The following MADD variants were observed in gnomAD, a reference collection of about 807,000 sequenced individuals.
The protein encoded by MADD is MAP kinase-activating death domain protein.
A neutral mutation model predicts 176.7 loss-of-function variants in MADD; 109 were observed. The ratio of observed to expected loss-of-function variants is 0.62; its 90% CI spans 0.53 to 0.72. The LOEUF (loss-of-function observed/expected upper bound fraction) is 0.72, where lower values mean the gene tolerates loss of function less well. Ranked by LOEUF, MADD falls within the 30% of genes least tolerant of loss-of-function variation. The probability of loss-of-function intolerance (pLI) is 0.00; values close to 1 mark genes in which losing one functional copy is unlikely to be tolerated. For missense variants in MADD, 1,914 were observed against 2,045.5 expected (o/e 0.94, Z 1.24); for synonymous variants, 771 against 771.3 (o/e 1.00, Z 0.01).
exon 18 of MADD, chr11:47,290,220 C>G (rs756409127): frequency 6.2e-7 from 1 of 1,614,138 alleles, no homozygotes; most frequent in Admixed American, 1.7e-5. Context: ...TGGAGCAGTC[C>G]TATGCCCACG....
At chr11:47,328,994 T>C (rs1194118636) in intron 32 of MADD, 52 bp from the exon 37 acceptor site, 31 of 1,407,180 alleles carry the variant, frequency 2.2e-5, no homozygotes, top group Non-Finnish European at 2.7e-5. Flanking sequence ...CCTTCACATA[T>C]GGAGATGGAG....
At chr11:47,288,284 G>A (rs1185603162) in intron 15 of MADD, among the ~76,000 whole-genome samples, 2 of 152,172 alleles carry the variant, frequency 1.3e-5, no homozygotes, top group Admixed American at 1.3e-4. Flanking sequence ...GTGAAACCCT[G>A]TCTCTAAAAG....
At chr11:47,277,986 A>G (rs1266327305) in intron 5 of MADD, among the ~76,000 whole-genome samples, 179 bp from the exon 6 acceptor site, 1 of 152,256 alleles carries the variant, frequency 6.6e-6, no homozygotes, top group Non-Finnish European at 1.5e-5. Context: ...GTATACAAAA[A>G]AATGTACCAT....
intron 1 of MADD, among the ~76,000 whole-genome samples, chr11:47,273,616 G>A (rs890131719): frequency 1.2e-4 from 17 of 137,320 alleles, no homozygotes; most frequent in African/African-American, 3.6e-4. Flanking sequence ...GATTACAGGC[G>A]TGAGCCACCA....
intron 13 of MADD, 71 bp downstream of exon 13, chr11:47,285,265 T>G: frequency 1.3e-6 from 2 of 1,576,880 alleles, no homozygotes; most frequent in South Asian, 2.3e-5. Flanking sequence ...GGGCAAGGGT[T>G]AATCAGAAAG....
chr11:47,271,304 T>G (rs2135998440), intron 1 of MADD, among the ~76,000 whole-genome samples: 1 of 152,280 alleles, frequency 6.6e-6, no homozygotes, highest in South Asian at 2.1e-4. Flanking sequence ...TTAGTCTTTT[T>G]GGGGAGGGGA....
intron 22 of MADD, among the ~76,000 whole-genome samples, chr11:47,298,345 C>T (rs530808645): frequency 2.3e-4 from 35 of 152,308 alleles, no homozygotes; most frequent in African/African-American, 5.8e-4. Flanking sequence ...ACTCTTCAGC[C>T]GCATAACTGT....
chr11:47,284,588 G>A lies in MADD; in HGVS notation c.2157+23G>A, dbSNP rs1375459424. ...TCTGTAAGTGAGGAGCGGTGGATGA[G>A]TGAGAACCATGGCCTGGGATGTGGG... On this transcript the variant is annotated intron_variant, in intron 12 of 32. Coordinates refer to ENST00000402192, the Ensembl canonical transcript of MADD. 10 of 1,609,670 alleles carry A rather than the reference G, an allele frequency of 6.2e-6. No individual in the cohort carries two copies. In the African/African-American group the frequency reaches 8.0e-5, roughly 13 times the overall value.
intron 25 of MADD, among the ~76,000 whole-genome samples, chr11:47,310,947 T>C (rs913417909): frequency 2.6e-5 from 4 of 152,082 alleles, no homozygotes; most frequent in African/African-American, 7.2e-5. Flanking sequence ...GAATTTGTTT[T>C]TCAGCACAGC....
intron 27 of MADD, among the ~76,000 whole-genome samples, chr11:47,320,052 G>T (rs2094137827): frequency 6.9e-6 from 1 of 145,034 alleles, no homozygotes; most frequent in African/African-American, 2.5e-5. Flanking sequence ...TTCACTTAAT[G>T]ATATACCTTT....
At chr11:47,272,860 A>G (rs538971618) in intron 1 of MADD, among the ~76,000 whole-genome samples, 1 of 152,310 alleles carries the variant, frequency 6.6e-6, no homozygotes, top group East Asian at 1.9e-4. Flanking sequence ...ACTGATTCTG[A>G]GCCTGAGATC....
Position 47,289,040 on chromosome 11 carries a change from T to A in MADD, c.2654-351T>A. 6.3e-7 allele frequency: 1 copy of A among 1,585,754 alleles called. No individual in the cohort carries two copies. Among genetic ancestry groups the A allele is most frequent in the Admixed American group, 2.0e-5 (1 of 50,028 alleles). ...GGGAGTGGTGAAGGTGGGTCTTGCC[T>A]GTGAGCTGTGCATGATCTTTTTTTT... is the stretch of plus-strand genomic sequence containing the variant. On this transcript the variant is annotated intron_variant, in intron 15 of 32. Transcript: ENST00000402192.
In MADD at chr11:47,276,726, T is replaced by C; in HGVS notation, c.964-6T>C. 6.2e-7 allele frequency: 1 copy of C among 1,614,072 alleles called. No individual in the cohort carries two copies. Among genetic ancestry groups the C allele is most frequent in the South Asian group, 1.1e-5 (1 of 91,074 alleles). On this transcript the variant is annotated splice_region_variant and splice_polypyrimidine_tract_variant and intron_variant, in intron 4 of 32. Transcript: ENST00000402192. ...GGAGTGATTCTTACTGGATGGCTCA[T>C]GACAGGTGGTGCTACAGTCCCGAGA...
chr11:47,275,208 T>C (rs377540084), intron 3 of MADD, 49 bp downstream of exon 3: 304 of 1,520,768 alleles, frequency 2.0e-4, no homozygotes, highest in Non-Finnish European at 2.6e-4. Flanking sequence ...AGAGATTCCA[T>C]GTAATTGGTC....
rs1005103484 is a variant in MADD at position 47,284,709 on chromosome 11, C to T, written c.2157+144C>T. On this transcript the variant is annotated intron_variant, in intron 12 of 32. Transcript: ENST00000402192. ...CTTCATGGGCCCTAGAGCTTAGAGC[C>T]TAAGAGACCTACTTTTGACCCCAAA... 3 of 1,251,794 alleles carry T rather than the reference C, an allele frequency of 2.4e-6. No individual in the cohort carries two copies. The East Asian group carries it at 7.6e-5, about 32-fold the overall frequency. The allele number at this position is 1,251,794 out of a possible 1,614,324, so 77.5% of individuals were successfully genotyped here. A position where few individuals can be genotyped will look rare whatever the true frequency, so the allele number is the denominator to read the frequency against.
chr11:47,273,548 C>A (rs2046881611), intron 1 of MADD, among the ~76,000 whole-genome samples: 2 of 152,272 alleles, frequency 1.3e-5, no homozygotes, highest in South Asian at 4.1e-4. Flanking sequence ...GCCATGTTGG[C>A]CAGCTGGTCT....
chr11:47,293,489 G>T (rs1036346809), intron 19 of MADD, among the ~76,000 whole-genome samples: 2 of 151,968 alleles, frequency 1.3e-5, no homozygotes, highest in Non-Finnish European at 2.9e-5. Flanking sequence ...TTTTGGTAGA[G>T]ACAGGGTTTC....
chr11:47,281,921 A>C (rs925081824), intron 8 of MADD, among the ~76,000 whole-genome samples, 168 bp downstream of exon 8: 1 of 125,344 alleles, frequency 8.0e-6, no homozygotes, highest in African/African-American at 3.1e-5. Flanking sequence ...TGCAACTTCC[A>C]CCTCCCGGGT....
chr11:47,278,899 T>C, intron 6 of MADD, 100 bp from the exon 7 acceptor site: 2 of 910,756 alleles, frequency 2.2e-6, no homozygotes, highest in Non-Finnish European at 3.5e-6. Flanking sequence ...TTCGTTTATA[T>C]AATAATAATG....
Sources: allele counts gnomAD v4.1 joint callset (sites outside exome capture counted in the v4.1 genomes callset), GRCh38; gene constraint gnomAD v4.1.1; transcripts MANE v1.5; gene names NCBI Gene and HGNC (gene_info 2026-07-23, HGNC 2026-07-21).